Variants in EDN1 observed in about 807,000 individuals in gnomAD.
EDN1 encodes the protein endothelin 1, also known as endothelin-1.
In EDN1, 11 loss-of-function variants were observed where a neutral mutation model predicts 21.7. The observed-to-expected ratio is 0.51, with a 90% confidence interval of 0.32 to 0.84. The LOEUF is 0.84. EDN1 is among the 40% of genes least tolerant of loss of function. EDN1 has a pLI of 0.03. For missense variants in EDN1, 244 were observed against 262.3 expected (o/e 0.93, Z 0.48); for synonymous variants, 85 against 90.6 (o/e 0.94, Z 0.35).
chr6:12,293,228 G>A (rs973681188), intron 2 of EDN1, among the ~76,000 whole-genome samples: 1 of 152,170 alleles, frequency 6.6e-6, no homozygotes, highest in Non-Finnish European at 1.5e-5. Context: ...TGACAAAGGA[G>A]GACCAAAATC....
At chr6:12,230,906 C>T in the EDN1 span, among the ~76,000 whole-genome samples, 1 of 152,154 alleles carries the variant, frequency 6.6e-6, no homozygotes, top group Non-Finnish European at 1.5e-5. Flanking sequence ...TTTTTGGAGA[C>T]TCAGGAGACT....
chr6:12,267,072 C>G, the EDN1 span, among the ~76,000 whole-genome samples: 1 of 151,970 alleles, frequency 6.6e-6, no homozygotes, highest in African/African-American at 2.4e-5. Flanking sequence ...GCAGGTATAC[C>G]TCATTTTATT....
chr6:12,247,536 CTT>C, the EDN1 span, among the ~76,000 whole-genome samples: 123 of 97,740 alleles, frequency 1.3e-3, no homozygotes, highest in African/African-American at 4.2e-3. Flanking sequence ...TTCTTTCTTT[CTT>C]TTTTTTTTTT....
chr6:12,235,710 C>T, the EDN1 span, among the ~76,000 whole-genome samples: 8 of 152,290 alleles, frequency 5.3e-5, no homozygotes, highest in East Asian at 7.7e-4. Context: ...CAGAACTTTC[C>T]GCAATGTAGA....
At chr6:12,292,243 CT>C (rs1451367008) in intron 1 of EDN1, 97 bp from the exon 2 acceptor site, 2 of 1,552,654 alleles carry the variant, frequency 1.3e-6, no homozygotes, top group Admixed American at 3.3e-5. Flanking sequence ...GCTTCATCTG[CT>C]TTTATCTGCT....
intron 4 of EDN1, among the ~76,000 whole-genome samples, chr6:12,295,109 T>C (rs996367748): frequency 6.6e-6 from 1 of 152,140 alleles, no homozygotes; most frequent in Non-Finnish European, 1.5e-5. Flanking sequence ...CTTTTTGGAA[T>C]TCACAAGCTC....
chr6:12,236,678 A>C, the EDN1 span, among the ~76,000 whole-genome samples: 1 of 152,194 alleles, frequency 6.6e-6, no homozygotes, highest in Non-Finnish European at 1.5e-5. Flanking sequence ...AAAAACTGGT[A>C]AAATTCTAAG....
At chr6:12,281,018 A>T in the EDN1 span, among the ~76,000 whole-genome samples, 1 of 152,260 alleles carries the variant, frequency 6.6e-6, no homozygotes, top group Non-Finnish European at 1.5e-5. Flanking sequence ...CTTGCAAATT[A>T]CATTTTCTCC....
At chr6:12,279,782 A>G in the EDN1 span, among the ~76,000 whole-genome samples, 16 of 152,364 alleles carry the variant, frequency 1.1e-4, no homozygotes, top group African/African-American at 3.8e-4. Flanking sequence ...TCCTTTCAAC[A>G]GTCCAAAAAG....
At chr6:12,238,446 C>A in the EDN1 span, among the ~76,000 whole-genome samples, 1 of 152,086 alleles carries the variant, frequency 6.6e-6, no homozygotes, top group Non-Finnish European at 1.5e-5. Context: ...ATATTAGGCA[C>A]CATAGGACAG....
chr6:12,255,985 C>T, the EDN1 span, among the ~76,000 whole-genome samples: 10 of 152,158 alleles, frequency 6.6e-5, no homozygotes, highest in Admixed American at 6.6e-4. Flanking sequence ...TTTTCTTATT[C>T]ATCCTGGATA....
chr6:12,274,030 CTGT>C, the EDN1 span, among the ~76,000 whole-genome samples: 1 of 152,154 alleles, frequency 6.6e-6, no homozygotes, highest in African/African-American at 2.4e-5. Context: ...GAAATTTCAT[CTGT>C]TATCTTCACT....
chr6:12,253,461 A>G, the EDN1 span, among the ~76,000 whole-genome samples: 5 of 152,202 alleles, frequency 3.3e-5, no homozygotes, highest in Non-Finnish European at 7.3e-5. Context: ...ATGAAATCAC[A>G]TAATACCTCA....
chr6:12,250,517 TTTG>T, the EDN1 span, among the ~76,000 whole-genome samples: 2 of 152,160 alleles, frequency 1.3e-5, no homozygotes, highest in Non-Finnish European at 2.9e-5. Context: ...TTGCTAAGAG[TTTG>T]TTATGCTTTG....
At chr6:12,247,923 A>G in the EDN1 span, among the ~76,000 whole-genome samples, 5 of 152,098 alleles carry the variant, frequency 3.3e-5, no homozygotes, top group African/African-American at 1.2e-4. Context: ...TAGCCTCTGT[A>G]TTTGGAGACA....
At chr6:12,289,180 T>G (rs1762615766), upstream of EDN1, among the ~76,000 whole-genome samples, 1 of 152,154 alleles carries the variant, frequency 6.6e-6, no homozygotes, top group East Asian at 1.9e-4. Flanking sequence ...GTTTTGAAAA[T>G]GTAAACACAT....
chr6:12,267,921 T>C, the EDN1 span, among the ~76,000 whole-genome samples: 2 of 152,206 alleles, frequency 1.3e-5, no homozygotes, highest in African/African-American at 2.4e-5. Context: ...TCCTAGGGCC[T>C]TTAAGAATTA....
chr6:12,241,730 A>T, the EDN1 span, among the ~76,000 whole-genome samples: 1 of 152,214 alleles, frequency 6.6e-6, no homozygotes, highest in African/African-American at 2.4e-5. Context: ...TTCATAGAAG[A>T]TGATCCTATG....
the EDN1 span, among the ~76,000 whole-genome samples, chr6:12,253,131 C>T: frequency 4.4e-4 from 67 of 152,254 alleles, no homozygotes; most frequent in African/African-American, 1.4e-3. Context: ...TGAACACATT[C>T]TATAGCCTGC....
Sources: gnomAD v4.1 joint callset for allele counts (sites outside exome capture counted in the v4.1 genomes callset) on GRCh38, gnomAD v4.1.1 for gene constraint, MANE v1.5 for transcripts, NCBI Gene and HGNC (gene_info 2026-07-23, HGNC 2026-07-21) for gene names.